The following CPEB4 variants were observed in gnomAD, a reference collection of about 807,000 sequenced individuals.
CPEB4 encodes cytoplasmic polyadenylation element binding protein 4, also known as cytoplasmic polyadenylation element-binding protein 4.
Under a neutral mutation model 72.5 loss-of-function variants are expected in CPEB4, and 12 were observed. The ratio of observed to expected loss-of-function variants is 0.17; its 90% CI spans 0.11 to 0.27. CPEB4 has a LOEUF of 0.27. Ranked by LOEUF, CPEB4 falls within the 10% of genes least tolerant of loss-of-function variation. CPEB4 has a pLI of 1.00. For synonymous variants in CPEB4, 302 were observed against 326.3 expected (o/e 0.93, Z 0.80); for missense variants, 614 against 908.5 (o/e 0.68, Z 4.17).
intron 2 of CPEB4, among the ~76,000 whole-genome samples, chr5:173,920,344 A>G: frequency 6.6e-6 from 1 of 152,242 alleles, no homozygotes; most frequent in East Asian, 1.9e-4. Context: ...AGAAACCAAC[A>G]ATAAAGAGCA....
At chr5:173,947,283 AT>A (rs948432815) in intron 5 of CPEB4, among the ~76,000 whole-genome samples, 4 of 151,992 alleles carry the variant, frequency 2.6e-5, no homozygotes, top group Admixed American at 6.6e-5. Context: ...CTTGTCTATC[AT>A]TTTTTCCCAT....
At chr5:173,948,304 T>C (rs1159695830) in intron 5 of CPEB4, among the ~76,000 whole-genome samples, 1 of 152,180 alleles carries the variant, frequency 6.6e-6, no homozygotes. Flanking sequence ...CAACACAATA[T>C]ACTCTTGTAG....
rs1472724722 is a variant in CPEB4 at position 173,957,738 on chromosome 5, T to C, written c.*1601T>C. ...AGTTGCGCTACCTAACAGTACCATC[T>C]TGGATCCTTCAAAACCAAAGACTTG... On this transcript the variant is annotated 3_prime_UTR_variant, in exon 10 of 10. Transcript: ENST00000265085. 1.3e-5 allele frequency: 2 copies of C among 152,822 alleles called. No individual in the cohort carries two copies. Among genetic ancestry groups the C allele is most frequent in the African/African-American group, 4.8e-5 (2 of 41,474 alleles). 9.5% of individuals were successfully genotyped at this position (152,822 alleles called of 1,614,324 possible).
intron 3 of CPEB4, among the ~76,000 whole-genome samples, chr5:173,935,972 A>G (rs1475104962): frequency 6.6e-6 from 1 of 152,234 alleles, no homozygotes; most frequent in African/African-American, 2.4e-5. Context: ...CAGTGCCAAT[A>G]TAATTCAACA....
intron 1 of CPEB4, among the ~76,000 whole-genome samples, chr5:173,904,619 C>T (rs1756358090): frequency 6.6e-6 from 1 of 152,134 alleles, no homozygotes. Flanking sequence ...CCTTAGAGTG[C>T]CTCCTTTATT....
chr5:173,908,433 C>A (rs1756522906), intron 1 of CPEB4, among the ~76,000 whole-genome samples: 1 of 152,142 alleles, frequency 6.6e-6, no homozygotes, highest in Non-Finnish European at 1.5e-5. Flanking sequence ...CCTAACCTTC[C>A]CACCCCTGGG....
At chr5:173,925,537 A>G (rs1757213773) in intron 2 of CPEB4, among the ~76,000 whole-genome samples, 1 of 152,200 alleles carries the variant, frequency 6.6e-6, no homozygotes, top group Non-Finnish European at 1.5e-5. Context: ...ATTATAGAAC[A>G]TATTGAATGC....
chr5:173,927,814 A>C (rs945477447), intron 2 of CPEB4, among the ~76,000 whole-genome samples: 6 of 152,280 alleles, frequency 3.9e-5, no homozygotes, highest in Admixed American at 1.3e-4. Flanking sequence ...TCCTTGAGAA[A>C]ACTTATGCCT....
intron 1 of CPEB4, among the ~76,000 whole-genome samples, chr5:173,904,687 A>G (rs540109250): frequency 4.1e-5 from 6 of 145,712 alleles, no homozygotes; most frequent in African/African-American, 1.5e-4. Context: ...TACCCAAGGA[A>G]GGATCACTTA....
chr5:173,931,901 G>A (rs1757458437), intron 2 of CPEB4, among the ~76,000 whole-genome samples: 2 of 152,160 alleles, frequency 1.3e-5, no homozygotes, highest in Admixed American at 1.3e-4. Context: ...TCAGAGGAAA[G>A]TAACCCAGCA....
intron 1 of CPEB4, among the ~76,000 whole-genome samples, chr5:173,896,465 A>T (rs895740229): frequency 2.0e-5 from 3 of 152,222 alleles, no homozygotes; most frequent in African/African-American, 7.2e-5. Context: ...TTTTCAAAAA[A>T]TACTTAGTAG....
rs61670372 is a variant in CPEB4, at chr5:173,950,603, C to CAAAATAAAAT, written c.1665+550_1665+559dup. Among the ~76,000 whole-genome samples the CAAAATAAAAT allele has an allele frequency of 3.1e-4, 47 of 149,326 alleles. No homozygotes were observed. In the East Asian group the frequency reaches 3.4e-3, roughly 11 times the overall value. ...CTGGGTGAAAAGTGAGACTCTGTCT[C>CAAAATAAAAT]AAAATAAAATAAAATAAAATAAAAT... On this transcript the variant is annotated intron_variant, in intron 7 of 9. Transcript: ENST00000265085. This position sits in a 1 kb window ranked among gnomAD's most constrained non-coding sequence, Gnocchi z 5.0.
intron 2 of CPEB4, among the ~76,000 whole-genome samples, chr5:173,927,317 C>T (rs1416648591): frequency 6.6e-6 from 1 of 152,142 alleles, no homozygotes; most frequent in Non-Finnish European, 1.5e-5. Flanking sequence ...CAAATGCTCA[C>T]CTGGTACCCA....
At chr5:173,938,514 C>T (rs1757711036) in intron 3 of CPEB4, among the ~76,000 whole-genome samples, 3 of 152,208 alleles carry the variant, frequency 2.0e-5, no homozygotes, top group African/African-American at 4.8e-5. Context: ...GTGTTAGCCA[C>T]CATGCCTAGC....
chr5:173,951,878 C>T lies in CPEB4; in HGVS notation c.1720C>T (p.Gln574Ter). ...SDSDFVMDGS[Q>*]PLDPRKTIFV... ...CAGTGACTTTGTGATGGATGGTTCA[C>T]AGCCACTTGACCCACGAAAAACTAT... is the stretch of plus-strand genomic sequence containing the variant. Residue 574 changes from glutamine to a stop codon, truncating the protein, a stop_gained, in exon 8 of 10, where the codon CAG becomes TAG. Transcript: ENST00000265085. LOFTEE classifies it high-confidence loss of function. 6.2e-7 allele frequency: 1 copy of T among 1,613,958 alleles called. No homozygotes were observed. The highest frequency in any genetic ancestry group is 8.5e-7 in the Non-Finnish European group (1 of 1,179,874).
At chr5:173,941,494 A>G (rs1757839214) in intron 3 of CPEB4, among the ~76,000 whole-genome samples, 1 of 152,210 alleles carries the variant, frequency 6.6e-6, no homozygotes, top group Admixed American at 6.5e-5. Context: ...AATATTTCTG[A>G]GTTATAATTA....
intron 2 of CPEB4, among the ~76,000 whole-genome samples, chr5:173,915,387 G>A (rs2113190280): frequency 6.6e-6 from 1 of 152,154 alleles, no homozygotes; most frequent in South Asian, 2.1e-4. Context: ...TCTTTGTGCG[G>A]TGGGGAAAGG....
chr5:173,941,400 C>T (rs921541414), intron 3 of CPEB4, among the ~76,000 whole-genome samples: 16 of 152,278 alleles, frequency 1.1e-4, no homozygotes, highest in Middle Eastern at 3.4e-3. Context: ...TGCTCAAATA[C>T]TTTGGTGAAA....
At chr5:173,914,116 G>A (rs1483491173) in intron 2 of CPEB4, among the ~76,000 whole-genome samples, 1 of 152,186 alleles carries the variant, frequency 6.6e-6, no homozygotes, top group African/African-American at 2.4e-5. Context: ...GATCTAAAAT[G>A]CCAGATTATA....
Sources: gnomAD v4.1 joint callset for allele counts (sites outside exome capture counted in the v4.1 genomes callset) on GRCh38, gnomAD v4.1.1 for gene constraint, Gnocchi (gnomAD v3.1) non-coding constraint, MANE v1.5 for transcripts, NCBI Gene and HGNC (gene_info 2026-07-23, HGNC 2026-07-21) for gene names.